Variants in EPM2A observed in about 807,000 individuals in gnomAD.
EPM2A encodes the protein EPM2A glucan phosphatase, laforin.
In EPM2A, 21 loss-of-function variants were observed where a neutral mutation model predicts 26.5. The ratio of observed to expected loss-of-function variants is 0.79; its 90% CI spans 0.56 to 1.14. EPM2A has a LOEUF of 1.14. EPM2A is among the 50% of genes most tolerant of loss of function. The pLI, the probability that EPM2A is intolerant of heterozygous loss-of-function variation, is 0.00. For missense variants in EPM2A, 458 were observed against 440.8 expected (o/e 1.04, Z -0.35); for synonymous variants, 217 against 177.6 (o/e 1.22, Z -1.76).
At chr6:145,695,121 A>G (rs1781498340) in intron 1 of EPM2A, among the ~76,000 whole-genome samples, 1 of 151,988 alleles carries the variant, frequency 6.6e-6, no homozygotes, top group African/African-American at 2.4e-5. Context: ...AAGGGATACA[A>G]ATTACAAAAA....
intron 2 of EPM2A, among the ~76,000 whole-genome samples, chr6:145,571,701 T>C (rs1240943611): frequency 6.6e-6 from 1 of 152,174 alleles, no homozygotes; most frequent in Non-Finnish European, 1.5e-5. Flanking sequence ...GCAGTGGCCG[T>C]AGCCAGGTCA....
At position 145,626,172 on chromosome 6, in the gene EPM2A, T is replaced by C; in HGVS notation, c.*1244A>G. 2.0e-6 allele frequency: 2 copies of C among 1,006,160 alleles called. No homozygotes were observed. Among genetic ancestry groups the C allele is most frequent in the Non-Finnish European group, 2.4e-6 (2 of 842,076 alleles). 62.3% of individuals were successfully genotyped at this position (1,006,160 alleles called of 1,614,324 possible). On this transcript the variant is annotated 3_prime_UTR_variant, in exon 4 of 4. Coordinates refer to ENST00000367519, the MANE Select transcript of EPM2A (RefSeq NM_005670.4). ...TTCTAGCATATCATTCATGGTCCAA[T>C]CCTGCATTACAGTTGGTTGAATGCA...
chr6:145,437,492 A>G (rs1483932114), intron 4 of EPM2A, among the ~76,000 whole-genome samples: 1 of 152,220 alleles, frequency 6.6e-6, no homozygotes, highest in East Asian at 1.9e-4. Context: ...TAACAAATGA[A>G]AAAAAGCTAT....
rs541967339 is a variant in EPM2A at position 145,557,638 on chromosome 6, C to T, written c.341-55063G>A. Among the ~76,000 whole-genome samples the T allele has an allele frequency of 1.0e-3, 152 of 152,194 alleles. 1 individual carries two copies. Among genetic ancestry groups the T allele is most frequent in the Middle Eastern group, 3.4e-3 (1 of 294 alleles). ...GACACATAGAAATTGTGTATATTTA[C>T]TGTGTGCCCACATGTTGTTTTGAAA... On this transcript the variant is annotated intron_variant, in intron 2 of 3. Transcript: ENST00000450221.
At chr6:145,620,502 T>C (rs920264824), downstream of EPM2A, among the ~76,000 whole-genome samples, 1 of 152,228 alleles carries the variant, frequency 6.6e-6, no homozygotes, top group African/African-American at 2.4e-5. Flanking sequence ...TTTAGATTAG[T>C]CATTTAATAT....
intron 2 of EPM2A, among the ~76,000 whole-genome samples, chr6:145,645,203 T>C (rs1777368519): frequency 6.6e-6 from 1 of 152,204 alleles, no homozygotes; most frequent in Non-Finnish European, 1.5e-5. Context: ...TGGTAAAAAT[T>C]GATCTTAAAT....
At chr6:145,486,873 C>G (rs1779684428) in intron 4 of EPM2A, among the ~76,000 whole-genome samples, 2 of 152,062 alleles carry the variant, frequency 1.3e-5, no homozygotes, top group South Asian at 2.1e-4. Flanking sequence ...GGTACGTGTA[C>G]AGGATGCGCA....
chr6:145,569,533 T>C (rs1780927955), intron 2 of EPM2A, among the ~76,000 whole-genome samples: 1 of 152,244 alleles, frequency 6.6e-6, no homozygotes. Context: ...TAATCTCCTC[T>C]AGTTCTTGAT....
intron 2 of EPM2A, among the ~76,000 whole-genome samples, chr6:145,674,243 A>T (rs1323701949): frequency 6.6e-6 from 1 of 150,748 alleles, no homozygotes; most frequent in Non-Finnish European, 1.5e-5. Context: ...AGAAAGAAAT[A>T]GCATCAACAT....
rs61299104 is a variant in EPM2A, at chr6:145,390,563, T to TTCTCTC, written c.556-6472_556-6467dup. ...TATTTATCCATGTTGTGCATGCACATTCTCTCTCTCTCTCTCTCTCTCTTT... is the reference window on the plus strand; with the variant it reads ...TATTTATCCATGTTGTGCATGCACATTCTCTCTCTCTCTCTCTCTCTCTCTCTCTTT... On this transcript the variant is annotated intron_variant, in intron 4 of 4. Coordinates refer to the EPM2A transcript ENST00000638717. Among the ~76,000 whole-genome samples the TTCTCTC allele has an allele frequency of 3.3e-3, 487 of 148,606 alleles. 5 individuals carry two copies. The highest frequency in any genetic ancestry group is 7.9e-3 in the African/African-American group (318 of 40,474).
chr6:145,529,057 G>A (rs953690871), intron 2 of EPM2A, among the ~76,000 whole-genome samples: 1 of 152,158 alleles, frequency 6.6e-6, no homozygotes, highest in Non-Finnish European at 1.5e-5. Flanking sequence ...CTAAAGATGT[G>A]ACTGAATTGC....
intron 2 of EPM2A, among the ~76,000 whole-genome samples, chr6:145,508,082 C>T (rs1010367327): frequency 3.9e-5 from 6 of 152,168 alleles, no homozygotes; most frequent in African/African-American, 1.2e-4. Context: ...GAGCATGGTG[C>T]CAGCCACATA....
intron 1 of EPM2A, among the ~76,000 whole-genome samples, chr6:145,713,464 T>C (rs1386600297): frequency 1.3e-5 from 2 of 152,116 alleles, no homozygotes; most frequent in African/African-American, 2.4e-5. Flanking sequence ...TCTTCCATAT[T>C]GACATAAAGC....
intron 3 of EPM2A, among the ~76,000 whole-genome samples, chr6:145,633,535 T>A (rs1776421913): frequency 1.3e-5 from 2 of 152,130 alleles, no homozygotes; most frequent in Non-Finnish European, 2.9e-5. Context: ...GAACAAACAT[T>A]ATACCCCATC....
intron 2 of EPM2A, among the ~76,000 whole-genome samples, chr6:145,526,678 T>C (rs960117338): frequency 6.6e-6 from 1 of 152,066 alleles, no homozygotes; most frequent in Non-Finnish European, 1.5e-5. Flanking sequence ...GAAAGTTCTC[T>C]CTTTTTTCTT....
intron 4 of EPM2A, among the ~76,000 whole-genome samples, chr6:145,416,467 T>G (rs914517981): frequency 6.6e-6 from 1 of 152,146 alleles, no homozygotes; most frequent in Non-Finnish European, 1.5e-5. Context: ...GAATTCTTCC[T>G]ATTACCCAGA....
At chr6:145,488,495 T>TTGTGTGTGTGTG (rs146792300) in intron 4 of EPM2A, among the ~76,000 whole-genome samples, 13 of 132,026 alleles carry the variant, frequency 9.8e-5, no homozygotes, top group South Asian at 2.7e-4. Flanking sequence ...ATTTGTGTGG[T>TTGTGTGTGTGTG]TGTGTGTGTG....
At chr6:145,443,193 G>A (rs927879841) in intron 4 of EPM2A, among the ~76,000 whole-genome samples, 10 of 152,110 alleles carry the variant, frequency 6.6e-5, no homozygotes, top group Admixed American at 5.9e-4. Flanking sequence ...TTTCTGTTTA[G>A]GATTTCTTTG....
rs9497383 is a variant in EPM2A, at chr6:145,659,519, T to C, written c.477-24033A>G. Among the ~76,000 whole-genome samples, 794 of 152,280 alleles carry C rather than the reference T, an allele frequency of 5.2e-3. 4 individuals are homozygous for C. Among genetic ancestry groups the C allele is most frequent in the African/African-American group, 0.018 (760 of 41,558 alleles). On this transcript the variant is annotated intron_variant, in intron 2 of 3. Coordinates refer to ENST00000367519, the MANE Select transcript of EPM2A (RefSeq NM_005670.4). The stretch of plus-strand genomic sequence containing the variant: ...TTAAGTACCATCGACTCTCCCTTTA[T>C]TAAAAAATAATTGTTCCTTAAAATT...
Sources: allele counts gnomAD v4.1 joint callset (sites outside exome capture counted in the v4.1 genomes callset), GRCh38; gene constraint gnomAD v4.1.1; transcripts MANE v1.5; gene names NCBI Gene and HGNC (gene_info 2026-07-23, HGNC 2026-07-21).